The following WDR31 variants were observed in gnomAD, a reference collection of about 807,000 sequenced individuals.
The protein encoded by WDR31 is WD repeat domain 31, also known as WD repeat-containing protein 31.
A neutral mutation model predicts 47.3 loss-of-function variants in WDR31; 30 were observed. That is an observed-to-expected ratio of 0.63 (90% CI 0.47 to 0.86). The LOEUF (loss-of-function observed/expected upper bound fraction) is 0.86, where lower values mean the gene tolerates loss of function less well. WDR31 is among the 40% of genes least tolerant of loss of function. The pLI is 0.00. For synonymous variants in WDR31, 137 were observed against 159.4 expected, an observed-to-expected ratio of 0.86 and a Z score of 1.06; for missense variants, 406 against 442.9, an observed-to-expected ratio of 0.92 and a Z score of 0.75.
intron 4 of WDR31, among the ~76,000 whole-genome samples, chr9:113,330,358 C>T (rs1833570312): frequency 6.6e-6 from 1 of 152,198 alleles, no homozygotes; most frequent in Admixed American, 6.5e-5. Context: ...GCCTTGGCCT[C>T]CCAAAGTGCT....
chr9:113,321,285 T>C (rs1231339071), intron 8 of WDR31, among the ~76,000 whole-genome samples: 1 of 152,222 alleles, frequency 6.6e-6, no homozygotes, highest in African/African-American at 2.4e-5. Flanking sequence ...TTTGGAACCA[T>C]CCAAAACAGG....
chr9:113,320,128 C>T (rs1833292466), intron 9 of WDR31, among the ~76,000 whole-genome samples: 1 of 152,122 alleles, frequency 6.6e-6, no homozygotes, highest in African/African-American at 2.4e-5. Flanking sequence ...CTCTGTTGCC[C>T]AAGCTAGTCT....
chr9:113,316,570 C>G lies in WDR31; in HGVS notation c.*179G>C, dbSNP rs1052179387. The stretch of plus-strand genomic sequence containing the variant: ...TAGTCCATGTTTCTGGACTCTATAC[C>G]TGATTTTGAATCACTGGACTTAAAT... On this transcript the variant is annotated 3_prime_UTR_variant, in exon 11 of 11. Coordinates refer to ENST00000374193, the MANE Select transcript of WDR31 (RefSeq NM_001012361.4). 7.0e-6 allele frequency: 5 copies of G among 712,020 alleles called. No individual in the cohort carries two copies. The African/African-American group carries it at 8.9e-5, about 13-fold the overall frequency. The allele number at this position is 712,020 out of a possible 1,614,324, so 44.1% of individuals were successfully genotyped here.
intron 3 of WDR31, 25 bp downstream of exon 3, chr9:113,331,882 G>A (rs1833605193): frequency 6.2e-7 from 1 of 1,606,950 alleles, no homozygotes; most frequent in Non-Finnish European, 8.5e-7. Flanking sequence ...ATAAAACCTG[G>A]GCTCCCAGGG....
Position 113,316,735 on chromosome 9 carries a change from A to G in WDR31, c.*14T>C, listed in dbSNP as rs775394444. 4 of 1,611,538 alleles carry G rather than the reference A, an allele frequency of 2.5e-6. No homozygotes were observed. The highest frequency in any genetic ancestry group is 3.4e-6 in the Non-Finnish European group (4 of 1,178,684). ...AGCCATGGTTTGATATTGTCCAGTG[A>G]GTGTCTCTTGGCCTCAGAATGCTGC... On this transcript the variant is annotated 3_prime_UTR_variant, in exon 11 of 11. Transcript: ENST00000374193.
chr9:113,337,792 T>G (rs1372671999), intron 1 of WDR31, among the ~76,000 whole-genome samples: 1 of 152,192 alleles, frequency 6.6e-6, no homozygotes, highest in African/African-American at 2.4e-5. Flanking sequence ...GATTTCAGGT[T>G]TTCCATTAGG....
chr9:113,331,548 G>T (rs1833596487), intron 3 of WDR31, among the ~76,000 whole-genome samples: 1 of 152,174 alleles, frequency 6.6e-6, no homozygotes, highest in African/African-American at 2.4e-5. Context: ...CTGGGCTCAA[G>T]CAATCCTCCC....
chr9:113,337,502 A>G (rs968481164), intron 1 of WDR31, among the ~76,000 whole-genome samples: 1 of 140,072 alleles, frequency 7.1e-6, no homozygotes, highest in African/African-American at 2.7e-5. Flanking sequence ...ATCTTACTAT[A>G]TTGCCCAGAC....
rs1833120591 is a variant in WDR31 at position 113,313,483 on chromosome 9, G to C, written c.*3266C>G. 6.6e-6 allele frequency: 1 copy of C among 152,230 alleles called. No individual in the cohort carries two copies. Among genetic ancestry groups the C allele is most frequent in the Admixed American group, 6.5e-5 (1 of 15,284 alleles). The allele number at this position is 152,230 out of a possible 1,614,324, so 9.4% of individuals were successfully genotyped here. On this transcript the variant is annotated 3_prime_UTR_variant, in exon 11 of 11. Transcript: ENST00000374193. ...ACTGCCCCTAGGCACTTGGGCAGGG[G>C]ATCTCCTTGGAGCCAGAAAGTTAAT...
chr9:113,327,229 T>C (rs1408230873), intron 5 of WDR31, among the ~76,000 whole-genome samples: 1 of 152,232 alleles, frequency 6.6e-6, no homozygotes, highest in African/African-American at 2.4e-5. Flanking sequence ...CTTTGCTTCT[T>C]GAGTAGTTCT....
intron 5 of WDR31, among the ~76,000 whole-genome samples, 199 bp downstream of exon 5, chr9:113,328,682 A>G (rs186325098): frequency 1.3e-5 from 2 of 152,338 alleles, no homozygotes; most frequent in African/African-American, 4.8e-5. Context: ...TGACAAAAGA[A>G]AAATTGTGTT....
At position 113,316,332 on chromosome 9, in the gene WDR31, T is replaced by G. The variant is rs1372866959; in HGVS notation, c.*417A>C. 6.2e-6 allele frequency: 1 copy of G among 160,112 alleles called. No individual in the cohort carries two copies. Among genetic ancestry groups the G allele is most frequent in the Non-Finnish European group, 1.4e-5 (1 of 72,914 alleles). The allele number at this position is 160,112 out of a possible 1,614,324, so 9.9% of individuals were successfully genotyped here. On this transcript the variant is annotated 3_prime_UTR_variant, in exon 11 of 11. Transcript: ENST00000374193. ...ATTATTTCTGATGTAACCAAAACAC[T>G]CTCTCTCCCCACTGCCTTTTTTCTT...
At chr9:113,331,744 G>A (rs547333191) in intron 3 of WDR31, among the ~76,000 whole-genome samples, 163 bp downstream of exon 3, 4 of 152,312 alleles carry the variant, frequency 2.6e-5, no homozygotes, top group African/African-American at 9.6e-5. Flanking sequence ...AGCACACCCA[G>A]CCCTGACTGT....
Position 113,331,898 on chromosome 9 carries a change from T to C in WDR31, c.116+9A>G, listed in dbSNP as rs1230265403. On this transcript the variant is annotated intron_variant, in intron 3 of 10. Transcript: ENST00000374193. ...TAAAACCTGGGCTCCCAGGGGAGGA[T>C]TGCAGTACCCGTATTTATAAGTGCT... is the stretch of plus-strand genomic sequence containing the variant. 1.9e-6 allele frequency: 3 copies of C among 1,612,348 alleles called. No homozygotes were observed. Among genetic ancestry groups the C allele is most frequent in the East Asian group, 2.2e-5 (1 of 44,818 alleles).
intron 5 of WDR31, among the ~76,000 whole-genome samples, chr9:113,327,722 C>T (rs1833509253): frequency 1.3e-5 from 2 of 152,042 alleles, no homozygotes; most frequent in Admixed American, 6.6e-5. Flanking sequence ...CTCCCGGCCT[C>T]GGGCGAATCA....
chr9:113,321,575 T>C lies in WDR31; in HGVS notation c.574A>G (p.Thr192Ala). 6.2e-7 allele frequency: 1 copy of C among 1,613,994 alleles called. No homozygotes were observed. Among genetic ancestry groups the C allele is most frequent in the Non-Finnish European group, 8.5e-7 (1 of 1,179,972 alleles). The change falls in exon 8 of 11, where the codon ACT becomes GCT. Residue 192 changes from threonine (T) to alanine (A), a missense_variant. By Grantham distance (58) the Thr-to-Ala change is moderately conservative. Transcript: ENST00000374193. ...ERASVSRNVV[T>A]HLCWVPREPY... Reference sequence around the variant, plus strand: ...TCTCTGGGGACCCAGCACAGGTGAGTGACCTAGAAAAAGCAAAATGTTCAG... The same window carrying C: ...TCTCTGGGGACCCAGCACAGGTGAGCGACCTAGAAAAAGCAAAATGTTCAG...
chr9:113,333,550 T>G (rs1205864810), intron 2 of WDR31, among the ~76,000 whole-genome samples: 1 of 151,106 alleles, frequency 6.6e-6, no homozygotes, highest in Non-Finnish European at 1.5e-5. Flanking sequence ...CCCGGCTAAT[T>G]TTTTGTATTT....
Position 113,316,092 on chromosome 9 carries a change from A to G in WDR31, c.*657T>C, listed in dbSNP as rs936749983. The G allele has an allele frequency of 5.9e-5, 9 of 152,234 alleles. No individual in the cohort carries two copies. The highest frequency in any genetic ancestry group is 2.2e-4 in the African/African-American group (9 of 41,458). The allele number at this position is 152,234 out of a possible 1,614,324, so 9.4% of individuals were successfully genotyped here. A position where few individuals can be genotyped will look rare whatever the true frequency, so the allele number is the denominator to read the frequency against. ...GCCCATGTGGTTCTTGGCTGCTTCA[A>G]GCCATCTCAGGTCTGATTTTCACAC... On this transcript the variant is annotated 3_prime_UTR_variant, in exon 11 of 11. Coordinates refer to ENST00000374193, the MANE Select transcript of WDR31 (RefSeq NM_001012361.4).
chr9:113,328,175 T>C (rs914515515), intron 5 of WDR31, among the ~76,000 whole-genome samples: 1 of 152,222 alleles, frequency 6.6e-6, no homozygotes, highest in African/African-American at 2.4e-5. Context: ...GGGAGGACCA[T>C]TCAGGACCAG....
Sources: allele counts gnomAD v4.1 joint callset (sites outside exome capture counted in the v4.1 genomes callset), GRCh38; gene constraint gnomAD v4.1.1; transcripts MANE v1.5; gene names NCBI Gene and HGNC (gene_info 2026-07-23, HGNC 2026-07-21).